KIF26B: variants seen among roughly 807,000 people sequenced by gnomAD.
KIF26B encodes kinesin-like protein KIF26B.
A neutral mutation model predicts 151.2 loss-of-function variants in KIF26B; 63 were observed. That is an observed-to-expected ratio of 0.42 (90% CI 0.34 to 0.51). The LOEUF is 0.51. Ranked by LOEUF, KIF26B falls within the 20% of genes least tolerant of loss-of-function variation. The pLI is 0.07. For synonymous variants in KIF26B, 1,357 were observed against 1,262.1 expected, an observed-to-expected ratio of 1.08 and a Z score of -1.59; for missense variants, 2,813 against 2,913.6, an observed-to-expected ratio of 0.97 and a Z score of 0.79.
intron 2 of KIF26B, among the ~76,000 whole-genome samples, chr1:245,330,801 G>GGGGGGACAGTC: frequency 1.2e-5 from 1 of 81,212 alleles, no homozygotes; most frequent in African/African-American, 8.7e-5. Context: ...GCGGGGTAAT[G>GGGGGGACAGTC]GGGGGAGAGT....
intron 4 of KIF26B, among the ~76,000 whole-genome samples, chr1:245,505,696 A>G (rs979123640): frequency 6.6e-6 from 1 of 152,230 alleles, no homozygotes; most frequent in East Asian, 1.9e-4. Context: ...ATAAAGCATT[A>G]TATACAATTG....
At chr1:245,185,257 G>A (rs1458461134) in intron 2 of KIF26B, among the ~76,000 whole-genome samples, 1 of 151,794 alleles carries the variant, frequency 6.6e-6, no homozygotes, top group Non-Finnish European at 1.5e-5. Context: ...TCCTGCCTCA[G>A]CCTCCCGGGT....
At chr1:245,653,695 T>C (rs1340606699) in intron 10 of KIF26B, among the ~76,000 whole-genome samples, 2 of 152,108 alleles carry the variant, frequency 1.3e-5, no homozygotes, top group Non-Finnish European at 2.9e-5. Flanking sequence ...CAACATTTGT[T>C]GCAATAACAA....
intron 5 of KIF26B, among the ~76,000 whole-genome samples, chr1:245,589,752 G>C (rs971656051): frequency 3.9e-5 from 6 of 152,164 alleles, no homozygotes; most frequent in Non-Finnish European, 8.8e-5. Flanking sequence ...ACCAGACTGA[G>C]TTACTTCTTT....
chr1:245,188,413 G>T (rs576484336), intron 2 of KIF26B, among the ~76,000 whole-genome samples: 1 of 152,034 alleles, frequency 6.6e-6, no homozygotes, highest in Admixed American at 6.6e-5. Flanking sequence ...CTCTCGAATA[G>T]CCCCTATTTG....
chr1:245,524,872 T>C (rs2103093012), intron 4 of KIF26B, among the ~76,000 whole-genome samples: 1 of 152,304 alleles, frequency 6.6e-6, no homozygotes, highest in South Asian at 2.1e-4. Context: ...CTGATTCTGT[T>C]CAAGGTCAAT....
At chr1:245,169,337 GTGTGTGTGTGT>G (rs1668668566) in intron 2 of KIF26B, among the ~76,000 whole-genome samples, 1 of 151,588 alleles carries the variant, frequency 6.6e-6, no homozygotes, top group African/African-American at 2.4e-5. Flanking sequence ...TGGTGTGTGT[GTGTGTGTGTGT>G]GTGTGTGTGT....
rs186886997 is a variant in KIF26B, at chr1:245,673,443, G to A, written c.2259-10790G>A. On this transcript the variant is annotated intron_variant, in intron 10 of 14. Coordinates refer to ENST00000407071, the MANE Select transcript of KIF26B (RefSeq NM_018012.4). Reference sequence around the variant, plus strand: ...CCATCTTAGGCCCAGTCCCCGCTGCGCGCTGCCATCTTAGGGTTTTGCTTA... The same window carrying A: ...CCATCTTAGGCCCAGTCCCCGCTGCACGCTGCCATCTTAGGGTTTTGCTTA... Among the ~76,000 whole-genome samples the A allele has an allele frequency of 5.7e-4, 87 of 151,970 alleles. No homozygotes were observed. In the East Asian group the frequency reaches 0.011, roughly 18 times the overall value.
chr1:245,518,135 G>A (rs931477788), intron 4 of KIF26B, among the ~76,000 whole-genome samples: 1 of 152,110 alleles, frequency 6.6e-6, no homozygotes, highest in East Asian at 1.9e-4. Flanking sequence ...CTCCCAAAAT[G>A]CTGAGATTAC....
chr1:245,378,971 G>A (rs922847067), intron 3 of KIF26B, among the ~76,000 whole-genome samples: 2 of 152,164 alleles, frequency 1.3e-5, no homozygotes, highest in Non-Finnish European at 1.5e-5. Flanking sequence ...CGACTTCTCC[G>A]TGAAGTTGAC....
rs965146650 is a variant in KIF26B, at chr1:245,367,460, A to G, written c.999+93A>G. On this transcript the variant is annotated intron_variant, in intron 3 of 14. Coordinates refer to ENST00000407071, the MANE Select transcript of KIF26B (RefSeq NM_018012.4). This position sits in a 1 kb window ranked among gnomAD's most constrained non-coding sequence, Gnocchi z 4.2. Reference sequence around the variant, plus strand: ...TTCCTTCCGCTGCCTCCTCCCGGGAACCCTGTAACTCAGAGCCCAGTGTTT... The same window carrying G: ...TTCCTTCCGCTGCCTCCTCCCGGGAGCCCTGTAACTCAGAGCCCAGTGTTT... The G allele has an allele frequency of 6.7e-6, 8 of 1,185,612 alleles. No homozygotes were observed. The African/African-American group carries it at 1.1e-4, about 16-fold the overall frequency. 73.4% of individuals were successfully genotyped at this position (1,185,612 alleles called of 1,614,324 possible).
At chr1:245,415,651 T>C (rs1373007094) in intron 3 of KIF26B, among the ~76,000 whole-genome samples, 1 of 152,194 alleles carries the variant, frequency 6.6e-6, no homozygotes, top group Non-Finnish European at 1.5e-5. Context: ...CTTCTGTTTT[T>C]CAGAATTATA....
intron 8 of KIF26B, among the ~76,000 whole-genome samples, chr1:245,610,459 A>G (rs893002705): frequency 6.6e-6 from 1 of 152,182 alleles, no homozygotes; most frequent in African/African-American, 2.4e-5. Context: ...CAAAATGTGC[A>G]TTTCCAACAA....
intron 2 of KIF26B, among the ~76,000 whole-genome samples, chr1:245,212,562 G>A (rs1669560868): frequency 6.6e-6 from 1 of 152,252 alleles, no homozygotes; most frequent in Non-Finnish European, 1.5e-5. Context: ...TCCTACGGGT[G>A]AATGAGGCTT....
At chr1:245,507,770 A>G (rs1176856979) in intron 4 of KIF26B, among the ~76,000 whole-genome samples, 6 of 152,158 alleles carry the variant, frequency 3.9e-5, no homozygotes, top group Non-Finnish European at 7.3e-5. Context: ...AGGGATTCCC[A>G]GCTTCACAGC....
intron 2 of KIF26B, among the ~76,000 whole-genome samples, chr1:245,308,210 C>A (rs180685401): frequency 6.6e-6 from 1 of 152,160 alleles, no homozygotes; most frequent in Non-Finnish European, 1.5e-5. Context: ...CTTGTCATCA[C>A]GCTCCTGGAA....
intron 2 of KIF26B, among the ~76,000 whole-genome samples, chr1:245,211,051 T>C (rs1669510382): frequency 6.6e-6 from 1 of 152,212 alleles, no homozygotes; most frequent in Admixed American, 6.5e-5. Flanking sequence ...AATGCTTGTA[T>C]AGGCCTTGTG....
At chr1:245,699,440 G>C (rs1199090304) in intron 14 of KIF26B, among the ~76,000 whole-genome samples, 2 of 150,974 alleles carry the variant, frequency 1.3e-5, no homozygotes, top group Admixed American at 1.3e-4. Flanking sequence ...AGAGTGTACA[G>C]TCCTCGAAAA....
intron 2 of KIF26B, among the ~76,000 whole-genome samples, chr1:245,163,316 A>G (rs1476845753): frequency 6.6e-6 from 1 of 152,132 alleles, no homozygotes; most frequent in Non-Finnish European, 1.5e-5. Flanking sequence ...TAATTTTTGT[A>G]TTTTCAGTAG....
Sources: gnomAD v4.1 joint callset for allele counts (sites outside exome capture counted in the v4.1 genomes callset) on GRCh38, gnomAD v4.1.1 for gene constraint, Gnocchi (gnomAD v3.1) non-coding constraint, MANE v1.5 for transcripts, NCBI Gene and HGNC (gene_info 2026-07-23, HGNC 2026-07-21) for gene names.